The following KIR3DL1 variants were observed in gnomAD, a reference collection of about 807,000 sequenced individuals.
KIR3DL1 encodes killer cell immunoglobulin-like receptor 3DL1.
KIR3DL1 carries 50 observed loss-of-function variants against 40.3 expected under a neutral mutation model. That is an observed-to-expected ratio of 1.24 (90% CI 0.99 to 1.57). The LOEUF (loss-of-function observed/expected upper bound fraction) is 1.57. KIR3DL1 is among the 40% of genes most tolerant of loss of function. The pLI is 0.00. For synonymous variants in KIR3DL1, 257 were observed against 207.2 expected, an observed-to-expected ratio of 1.24 and a Z score of -2.07; for missense variants, 661 against 559.9, an observed-to-expected ratio of 1.18 and a Z score of -1.82.
chr19:54,824,615 G>T (rs2061791296), intron 5 of KIR3DL1, among the ~76,000 whole-genome samples: 1 of 151,312 alleles, frequency 6.6e-6, no homozygotes, highest in African/African-American at 2.4e-5. Flanking sequence ...AGTGGAGGTT[G>T]CATTGAGCTG....
chr19:54,816,770 A>G (rs1186729525), intron 1 of KIR3DL1, among the ~76,000 whole-genome samples: 1 of 102,876 alleles, frequency 9.7e-6, no homozygotes, highest in Admixed American at 1.0e-4. Flanking sequence ...CCTGGGGTGG[A>G]GATATGTGCC....
chr19:54,828,323 A>G (rs894219135), intron 6 of KIR3DL1, among the ~76,000 whole-genome samples: 3 of 151,334 alleles, frequency 2.0e-5, no homozygotes, highest in East Asian at 3.9e-4. Context: ...CTGTGTATCA[A>G]TCCCAGTCCA....
intron 4 of KIR3DL1, 50 bp downstream of exon 4, chr19:54,820,062 T>A (rs747776415): frequency 1.3e-6 from 2 of 1,578,036 alleles, no homozygotes; most frequent in South Asian, 2.3e-5. Flanking sequence ...ACAGAGTGAA[T>A]GATCCAGGAC....
chr19:54,824,506 G>A (rs1213117856), intron 5 of KIR3DL1, among the ~76,000 whole-genome samples: 8 of 151,222 alleles, frequency 5.3e-5, no homozygotes, highest in Non-Finnish European at 8.8e-5. Flanking sequence ...GTGAAACCTC[G>A]TCTCTACTAA....
In KIR3DL1 at chr19:54,830,000, G is replaced by T. The variant is rs1247380468; in HGVS notation, c.1158+20G>T. On this transcript the variant is annotated intron_variant, in intron 8 of 8. Coordinates refer to ENST00000391728, the Ensembl canonical transcript of KIR3DL1. ...AGCGAGGTAGGTGCTCCTCGGCCCA[G>T]CCTCGTGGCTAGTGTTATTCCCAAA... 2.0e-6 allele frequency: 3 copies of T among 1,529,146 alleles called. 1 individual carries two copies. 94.7% of individuals were successfully genotyped at this position (1,529,146 alleles called of 1,614,324 possible).
intron 6 of KIR3DL1, among the ~76,000 whole-genome samples, chr19:54,825,800 C>A (rs3826873): frequency 0.25 from 36,627 of 146,940 alleles, 4,174 homozygotes; most frequent in Non-Finnish European, 0.3. Flanking sequence ...GTCCCAGCTT[C>A]TAAAGGCTCC....
At chr19:54,829,643 C>A (rs1382094676) in intron 7 of KIR3DL1, among the ~76,000 whole-genome samples, 178 bp downstream of exon 7, 1 of 142,564 alleles carries the variant, frequency 7.0e-6, no homozygotes, top group Non-Finnish European at 1.6e-5. Context: ...GCTCACAGAC[C>A]GTTGCCTGAT....
At chr19:54,828,487 A>G (rs1452917108) in intron 6 of KIR3DL1, among the ~76,000 whole-genome samples, 1 of 151,244 alleles carries the variant, frequency 6.6e-6, no homozygotes, top group East Asian at 1.9e-4. Flanking sequence ...GTGACAACAG[A>G]AGCCTACATT....
In KIR3DL1 at chr19:54,823,591, G is replaced by A. The variant is rs868364564; in HGVS notation, c.950-1437G>A. Among the ~76,000 whole-genome samples, 19 of 151,334 alleles carry A rather than the reference G, an allele frequency of 1.3e-4. No homozygotes were observed. In the South Asian group the frequency reaches 1.9e-3, roughly 15 times the overall value. The stretch of plus-strand genomic sequence containing the variant: ...CAGCTCACTGCAACCTCCGCCTCCC[G>A]CGTTCAACTGATTCTCCTGCCTCAG... On this transcript the variant is annotated intron_variant, in intron 5 of 8. Transcript: ENST00000391728.
rs1347679470 is a variant in KIR3DL1 at position 54,816,605 on chromosome 19, G to C, written c.34+71G>C. On this transcript the variant is annotated intron_variant, in intron 1 of 8. Coordinates refer to ENST00000391728, the Ensembl canonical transcript of KIR3DL1. ...TCTGGACCTGGAGGTAAAGATATGG[G>C]CCTAGAGGTGGAGTTATGGGCCTAG... 10 of 1,584,514 alleles carry C rather than the reference G, an allele frequency of 6.3e-6. No homozygotes were observed. The African/African-American group carries it at 1.0e-4, about 16-fold the overall frequency.
chr19:54,823,996 T>A (rs2061763571), intron 5 of KIR3DL1, among the ~76,000 whole-genome samples: 1 of 151,342 alleles, frequency 6.6e-6, no homozygotes, highest in African/African-American at 2.4e-5. Context: ...CAGTTATTAA[T>A]CCCGTCTCAG....
At chr19:54,821,526 G>T (rs1373498396) in intron 4 of KIR3DL1, 39 bp from the exon 5 acceptor site, 1 of 1,585,134 alleles carries the variant, frequency 6.3e-7, no homozygotes, top group Non-Finnish European at 8.6e-7. Flanking sequence ...CTATGACAAG[G>T]AAGAACCTCC....
In KIR3DL1 at chr19:54,819,832, G is replaced by T. The variant is rs652641; in HGVS notation, c.475G>T (p.Gly159Trp). 353,270 of 1,609,646 alleles carry T rather than the reference G, an allele frequency of 0.22. 41,644 individuals carry two copies. The highest frequency in any genetic ancestry group is 0.32 in the South Asian group (28,807 of 90,600). ...TGAGCACTTCTTTCTGCACAAAGAG[G>T]GGATCTCTAAGGACCCCTCACGCCT... The change falls in exon 4 of 9, where the codon GGG (glycine) becomes TGG (tryptophan). Residue 159 changes from glycine to tryptophan, a missense_variant. Around this residue, in one of 3 missense-constraint regions of KIR3DL1, gnomAD observed 548 missense variants for 413.3 expected, o/e 1.33. Coordinates refer to ENST00000391728, the Ensembl canonical transcript of KIR3DL1.
rs1043266475 is a variant in KIR3DL1 at position 54,820,067 on chromosome 19, C to T, written c.655+55C>T. 1.6e-4 allele frequency: 256 copies of T among 1,565,990 alleles called. 7 individuals carry two copies. The Middle Eastern group carries it at 1.9e-3, about 11-fold the overall frequency. ...TCACTGGGACACAGAGTGAATGATC[C>T]AGGACTTGGAACCCCCAGGTGGTCA... is the stretch of plus-strand genomic sequence containing the variant. On this transcript the variant is annotated intron_variant, in intron 4 of 8. Transcript: ENST00000391728.
intron 6 of KIR3DL1, among the ~76,000 whole-genome samples, chr19:54,828,928 A>G (rs1474239467): frequency 7.1e-6 from 1 of 141,320 alleles, no homozygotes; most frequent in African/African-American, 2.5e-5. Flanking sequence ...TCACACGGCA[A>G]GAGAGGGAGC....
intron 5 of KIR3DL1, among the ~76,000 whole-genome samples, chr19:54,824,819 G>C (rs1377419880): frequency 6.7e-6 from 1 of 149,974 alleles, no homozygotes; most frequent in Non-Finnish European, 1.5e-5. Flanking sequence ...TTCTAAGTCA[G>C]GTAGTGTGAT....
intron 6 of KIR3DL1, among the ~76,000 whole-genome samples, chr19:54,825,537 G>C (rs999801570): frequency 6.7e-5 from 10 of 150,096 alleles, no homozygotes; most frequent in Admixed American, 4.6e-4. Context: ...AGAGAACAGA[G>C]CTCATGCACG....
At chr19:54,821,171 A>C (rs1316692910) in intron 4 of KIR3DL1, among the ~76,000 whole-genome samples, 1 of 150,172 alleles carries the variant, frequency 6.7e-6, no homozygotes, top group East Asian at 1.9e-4. Context: ...GAGATAGATA[A>C]GTGATACATA....
intron 1 of KIR3DL1, 107 bp downstream of exon 1, chr19:54,816,641 A>G: frequency 7.5e-7 from 1 of 1,339,504 alleles, no homozygotes; most frequent in Non-Finnish European, 1.0e-6. Context: ...AGGTGGAGTT[A>G]TGGGCCTGAA....
Sources: allele counts gnomAD v4.1 joint callset (sites outside exome capture counted in the v4.1 genomes callset), GRCh38; gene constraint gnomAD v4.1.1; regional missense constraint gnomAD v4.1.1; transcripts MANE v1.5; gene names NCBI Gene and HGNC (gene_info 2026-07-23, HGNC 2026-07-21).